CCNH: variants seen among roughly 807,000 people sequenced by gnomAD.
CCNH encodes cyclin-H.
Under a neutral mutation model 41.9 loss-of-function variants are expected in CCNH, and 31 were observed. That is an observed-to-expected ratio of 0.74 (90% CI 0.56 to 1.00). The LOEUF is 1.00. Among genes scored for constraint, CCNH ranks in the 50% least tolerant of loss-of-function variants. The probability of loss-of-function intolerance (pLI) is 0.00; values close to 1 mark genes in which losing one functional copy is unlikely to be tolerated. For missense variants in CCNH, 362 were observed against 388.4 expected (o/e 0.93, Z 0.57); for synonymous variants, 138 against 136.1 (o/e 1.01, Z -0.10).
At chr5:87,404,110 A>AT (rs1763617779) in intron 5 of CCNH, among the ~76,000 whole-genome samples, 1 of 152,224 alleles carries the variant, frequency 6.6e-6, no homozygotes, top group African/African-American at 2.4e-5. Flanking sequence ...ATTCTTATTA[A>AT]TAAGTATTCA....
chr5:87,401,001 G>C (rs1763365314), intron 6 of CCNH, among the ~76,000 whole-genome samples: 1 of 152,234 alleles, frequency 6.6e-6, no homozygotes, highest in Non-Finnish European at 1.5e-5. Context: ...ACGCAGGGCT[G>C]TATTAGTTTC....
At chr5:87,324,681 G>T (rs987381774) in intron 9 of CCNH, among the ~76,000 whole-genome samples, 2 of 152,038 alleles carry the variant, frequency 1.3e-5, no homozygotes, top group Non-Finnish European at 2.9e-5. Flanking sequence ...ATGCACTCTA[G>T]TTATCTGGTT....
chr5:87,400,494 AT>A (rs892391424), intron 6 of CCNH, among the ~76,000 whole-genome samples: 20 of 152,306 alleles, frequency 1.3e-4, no homozygotes, highest in African/African-American at 4.8e-4. Context: ...CTACAGTCAA[AT>A]CACAATTAGC....
intron 9 of CCNH, chr5:87,385,284 G>C: frequency 6.5e-7 from 1 of 1,545,522 alleles, no homozygotes. Context: ...CATTAGCTGT[G>C]CCCAATTCTG....
At chr5:87,407,953 A>C in intron 4 of CCNH, 23 bp downstream of exon 4, 2 of 1,492,422 alleles carry the variant, frequency 1.3e-6, no homozygotes, top group East Asian at 4.5e-5. Context: ...ATGTAGTATT[A>C]GTTTATTTTA....
chr5:87,320,486 C>G (rs1205118592), intron 9 of CCNH, among the ~76,000 whole-genome samples: 2 of 152,186 alleles, frequency 1.3e-5, no homozygotes, highest in African/African-American at 4.8e-5. Flanking sequence ...CCTCAGAAGA[C>G]TTACAATCAT....
intron 9 of CCNH, among the ~76,000 whole-genome samples, chr5:87,322,323 C>T (rs1042547093): frequency 6.6e-6 from 1 of 152,166 alleles, no homozygotes; most frequent in Admixed American, 6.5e-5. Context: ...ATTAGATTTT[C>T]ACAGGAGCGC....
intron 9 of CCNH, among the ~76,000 whole-genome samples, chr5:87,345,596 T>C (rs904082297): frequency 6.6e-6 from 1 of 152,132 alleles, no homozygotes; most frequent in Non-Finnish European, 1.5e-5. Context: ...TCTGAATCAG[T>C]GAGTTAATGC....
intron 9 of CCNH, among the ~76,000 whole-genome samples, chr5:87,340,354 A>C (rs393134): frequency 1 from 152,166 of 152,190 alleles, 76,071 homozygotes; most frequent in Non-Finnish European, 1. Context: ...ATTGTGTAAA[A>C]CTCTTCTACA....
chr5:87,323,440 G>T (rs1172232568), intron 9 of CCNH, among the ~76,000 whole-genome samples: 1 of 152,086 alleles, frequency 6.6e-6, no homozygotes, highest in African/African-American at 2.4e-5. Context: ...CTGTTCCCCT[G>T]CCCTGTGCTC....
At chr5:87,374,475 T>C (rs1354799435), downstream of CCNH, among the ~76,000 whole-genome samples, 3 of 140,042 alleles carry the variant, frequency 2.1e-5, no homozygotes, top group Non-Finnish European at 3.1e-5. Flanking sequence ...TTTTTTTTTT[T>C]CTGTTGTTTG....
chr5:87,322,680 G>A (rs982130911), intron 9 of CCNH, among the ~76,000 whole-genome samples: 1 of 152,110 alleles, frequency 6.6e-6, no homozygotes, highest in Non-Finnish European at 1.5e-5. Flanking sequence ...ACCATGAGCC[G>A]CAATAAACCA....
At chr5:87,331,902 A>G (rs976038281) in intron 9 of CCNH, among the ~76,000 whole-genome samples, 1 of 152,168 alleles carries the variant, frequency 6.6e-6, no homozygotes, top group Non-Finnish European at 1.5e-5. Flanking sequence ...CTTCGCAGAC[A>G]TGCACTTCAG....
intron 9 of CCNH, among the ~76,000 whole-genome samples, chr5:87,320,387 A>T (rs1408113462): frequency 1.3e-5 from 2 of 152,202 alleles, no homozygotes. Context: ...TACTGCTACA[A>T]AGAACTACCT....
At chr5:87,325,801 G>A (rs1757189323) in intron 9 of CCNH, among the ~76,000 whole-genome samples, 1 of 152,176 alleles carries the variant, frequency 6.6e-6, no homozygotes, top group African/African-American at 2.4e-5. Flanking sequence ...CAAGTTAGTT[G>A]TAAATAATTG....
intron 7 of CCNH, among the ~76,000 whole-genome samples, chr5:87,396,954 A>C (rs1407756672): frequency 6.6e-6 from 1 of 152,202 alleles, no homozygotes; most frequent in East Asian, 1.9e-4. Context: ...GTTTTGATCA[A>C]AGGGAACTTT....
chr5:87,366,275 A>AT (rs1413137638), intron 9 of CCNH: 1 of 319,136 alleles, frequency 3.1e-6, no homozygotes, highest in Non-Finnish European at 6.6e-6. Flanking sequence ...TTAAGGAAGT[A>AT]TTAAGATGAA....
Position 87,332,447 on chromosome 5 carries a change from T to C in CCNH, c.*91-13550A>G. ...TGGATTTATAATTTCTTTATAAAAC[T>C]TGATTTTTAAAATTGGCTGTAAAGA... On this transcript the variant is annotated intron_variant and NMD_transcript_variant, in intron 9 of 9. Transcript: ENST00000645953. 9 of 1,500,132 alleles carry C rather than the reference T, an allele frequency of 6.0e-6. No homozygotes were observed. In the South Asian group the frequency reaches 1.0e-4, roughly 17 times the overall value. 92.9% of individuals were successfully genotyped at this position (1,500,132 alleles called of 1,614,324 possible). A position where few individuals can be genotyped will look rare whatever the true frequency, so the allele number is the denominator to read the frequency against.
chr5:87,344,175 A>C (rs1214136879), intron 9 of CCNH, among the ~76,000 whole-genome samples: 3 of 152,142 alleles, frequency 2.0e-5, no homozygotes, highest in African/African-American at 7.2e-5. Context: ...AATAACTAAA[A>C]GAGTGGAATT....
Sources: gnomAD v4.1 joint callset for allele counts (sites outside exome capture counted in the v4.1 genomes callset) on GRCh38, gnomAD v4.1.1 for gene constraint, MANE v1.5 for transcripts, NCBI Gene and HGNC (gene_info 2026-07-23, HGNC 2026-07-21) for gene names.